Variants in USH2A observed in about 807,000 individuals in gnomAD.
USH2A encodes usherin, also known as Usher syndrome 2A (autosomal recessive, mild).
Under a neutral mutation model 538.9 loss-of-function variants are expected in USH2A, and 443 were observed. That is an observed-to-expected ratio of 0.82 (90% confidence interval 0.76 to 0.89). The LOEUF is 0.89. USH2A is among the 40% of genes least tolerant of loss of function. USH2A has a pLI of 0.00. For synonymous variants in USH2A, 2,413 were observed against 2,273.5 expected, an observed-to-expected ratio of 1.06 and a Z score of -1.75; for missense variants, 6,633 against 6,324.8, an observed-to-expected ratio of 1.05 and a Z score of -1.65.
At chr1:216,117,108 C>T (rs1001701441) in intron 21 of USH2A, among the ~76,000 whole-genome samples, 3 of 152,130 alleles carry the variant, frequency 2.0e-5, no homozygotes, top group African/African-American at 7.2e-5. Flanking sequence ...CCTAGAATGA[C>T]ACTTTGTCTT....
chr1:216,246,762 G>A lies in USH2A; in HGVS notation c.2632C>T (p.Arg878Cys), dbSNP rs867113130. The change falls in exon 13 of 72, where the codon CGC (arginine) becomes TGC (cysteine). Residue 878 changes from arginine (R) to cysteine (C), a missense_variant. Coordinates refer to ENST00000307340, the MANE Select transcript of USH2A (RefSeq NM_206933.4). ...CPCKLGVTGLRCNQCEPHRYN... is the reference protein window; with the variant it reads ...CPCKLGVTGLCCNQCEPHRYN... ...CTGTGAGGCTCACACTGATTACAGC[G>A]AAGACCTGTTACCCCTAATTTGCAA... The A allele has an allele frequency of 8.1e-6, 13 of 1,614,090 alleles. No homozygotes were observed. The highest frequency in any genetic ancestry group is 1.0e-5 in the Non-Finnish European group (12 of 1,179,968).
At chr1:215,997,373 T>G (rs1483930609) in intron 34 of USH2A, among the ~76,000 whole-genome samples, 1 of 152,140 alleles carries the variant, frequency 6.6e-6, no homozygotes, top group African/African-American at 2.4e-5. Flanking sequence ...GGGATTACTT[T>G]TTTTAGCATC....
At chr1:216,132,800 A>G (rs2033404025) in intron 21 of USH2A, among the ~76,000 whole-genome samples, 1 of 152,072 alleles carries the variant, frequency 6.6e-6, no homozygotes. Flanking sequence ...CTGGGGACAC[A>G]TGACACTTCA....
At chr1:216,097,664 A>G (rs188766118) in intron 21 of USH2A, among the ~76,000 whole-genome samples, 277 of 152,340 alleles carry the variant, frequency 1.8e-3, no homozygotes, top group Middle Eastern at 3.4e-3. Context: ...CCTGCCATGA[A>G]GAGGCCTATA....
intron 56 of USH2A, among the ~76,000 whole-genome samples, chr1:215,764,020 T>C (rs184430964): frequency 2.0e-5 from 3 of 151,696 alleles, no homozygotes; most frequent in Non-Finnish European, 4.4e-5. Context: ...AGGAGTAGAG[T>C]GGAGTGGAAG....
intron 64 of USH2A, among the ~76,000 whole-genome samples, chr1:215,669,895 T>G (rs973499793): frequency 5.9e-5 from 9 of 152,228 alleles, no homozygotes; most frequent in South Asian, 2.1e-4. Flanking sequence ...GACTTATTAT[T>G]TTTAGTATTT....
chr1:215,841,204 C>G (rs1170768071), intron 46 of USH2A, among the ~76,000 whole-genome samples: 2 of 152,022 alleles, frequency 1.3e-5, no homozygotes, highest in African/African-American at 4.8e-5. Context: ...CTTTAAAGTT[C>G]ATATGGAACC....
rs569506897 is a variant in USH2A at position 215,932,018 on chromosome 1, G to T, written c.7300+2598C>A. ...TCATATTTGATAGCAAATATTTGAT[G>T]AAGTAAAAAAGAGCATTTTATTTTG... On this transcript the variant is annotated intron_variant, in intron 38 of 71. Coordinates refer to ENST00000307340, the MANE Select transcript of USH2A (RefSeq NM_206933.4). 6.5e-4 allele frequency among the ~76,000 whole-genome samples: 99 copies of T among 151,908 alleles called. 2 individuals carry two copies. The highest frequency in any genetic ancestry group is 3.3e-4 in the Admixed American group (5 of 15,164).
At chr1:216,135,468 C>T (rs1242302529) in intron 21 of USH2A, among the ~76,000 whole-genome samples, 1 of 151,988 alleles carries the variant, frequency 6.6e-6, no homozygotes, top group Non-Finnish European at 1.5e-5. Flanking sequence ...CAATTTCACT[C>T]TTATAGTGAT....
intron 32 of USH2A, among the ~76,000 whole-genome samples, chr1:216,010,734 T>C (rs1668540969): frequency 6.6e-6 from 1 of 151,648 alleles, no homozygotes; most frequent in Admixed American, 6.6e-5. Flanking sequence ...TTTTTAGTTA[T>C]CCCCACCTGC....
chr1:216,109,958 A>T (rs1273541659), intron 21 of USH2A, among the ~76,000 whole-genome samples: 1 of 152,104 alleles, frequency 6.6e-6, no homozygotes, highest in Non-Finnish European at 1.5e-5. Context: ...GTAAATTCTG[A>T]ATCTTTCTTA....
At chr1:215,708,637 C>G (rs570245404) in intron 61 of USH2A, among the ~76,000 whole-genome samples, 4 of 152,082 alleles carry the variant, frequency 2.6e-5, no homozygotes, top group South Asian at 2.1e-4. Flanking sequence ...AGATCCCTTG[C>G]GTGCGCAGTT....
At chr1:216,320,332 G>A (rs921254214) in intron 9 of USH2A, among the ~76,000 whole-genome samples, 1 of 152,056 alleles carries the variant, frequency 6.6e-6, no homozygotes, top group Non-Finnish European at 1.5e-5. Context: ...CTGGCACCAA[G>A]CTTGTATAGC....
At chr1:216,402,555 T>C (rs2039324854) in intron 3 of USH2A, among the ~76,000 whole-genome samples, 1 of 152,128 alleles carries the variant, frequency 6.6e-6, no homozygotes, top group African/African-American at 2.4e-5. Flanking sequence ...ACTTATATAA[T>C]GATCCACTCC....
chr1:216,036,616 T>A (rs1052569400), intron 32 of USH2A, among the ~76,000 whole-genome samples: 16 of 152,188 alleles, frequency 1.1e-4, no homozygotes, highest in Admixed American at 8.5e-4. Flanking sequence ...TTATATGGTT[T>A]GTTTGTTGCT....
intron 30 of USH2A, among the ~76,000 whole-genome samples, chr1:216,062,862 C>T (rs1466525969): frequency 6.6e-6 from 1 of 152,018 alleles, no homozygotes; most frequent in East Asian, 1.9e-4. Flanking sequence ...TGAAGAAAGA[C>T]CCAAATCTGA....
intron 69 of USH2A, 64 bp from the exon 70 acceptor site, chr1:215,634,767 C>T (rs1311413427): frequency 4.3e-6 from 7 of 1,612,732 alleles, no homozygotes; most frequent in Non-Finnish European, 5.1e-6. Context: ...CATCTCTGGC[C>T]CTGCTATTTG....
intron 38 of USH2A, among the ~76,000 whole-genome samples, chr1:215,923,296 G>C (rs543975397): frequency 6.5e-4 from 99 of 152,056 alleles, no homozygotes; most frequent in African/African-American, 2.3e-3. Flanking sequence ...AAAGAGCTGG[G>C]TTTTGGCAAT....
At chr1:215,700,936 T>C (rs1658993126) in intron 61 of USH2A, among the ~76,000 whole-genome samples, 1 of 152,222 alleles carries the variant, frequency 6.6e-6, no homozygotes. Context: ...CTTTCTCTTG[T>C]GGGCACTTAT....
Sources: gnomAD v4.1 joint callset for allele counts (sites outside exome capture counted in the v4.1 genomes callset) on GRCh38, gnomAD v4.1.1 for gene constraint, MANE v1.5 for transcripts, NCBI Gene and HGNC (gene_info 2026-07-23, HGNC 2026-07-21) for gene names.